The following WASF2 variants were observed in gnomAD, a reference collection of about 807,000 sequenced individuals.
The protein encoded by WASF2 is WASP family member 2, also known as actin-binding protein WASF2.
In WASF2, 14 loss-of-function variants were observed where a neutral mutation model predicts 45.0. The observed-to-expected ratio is 0.31, with a 90% CI of 0.21 to 0.49. The LOEUF (loss-of-function observed/expected upper bound fraction) is 0.49, where lower values mean the gene tolerates loss of function less well. Among genes scored for constraint, WASF2 ranks in the 20% least tolerant of loss-of-function variants. The probability of loss-of-function intolerance (pLI) is 0.99; values close to 1 mark genes in which losing one functional copy is unlikely to be tolerated. For missense variants in WASF2, 439 were observed against 636.1 expected, an observed-to-expected ratio of 0.69 and a Z score of 3.33; for synonymous variants, 200 against 236.3, an observed-to-expected ratio of 0.85 and a Z score of 1.41.
chr1:27,468,921 C>CAAA (rs71010356), intron 1 of WASF2, among the ~76,000 whole-genome samples: 3 of 77,778 alleles, frequency 3.9e-5, no homozygotes, highest in Admixed American at 1.7e-4. Context: ...GACTCTGTCT[C>CAAA]AAAAAAAAAA....
chr1:27,453,956 T>C (rs1032292396), intron 1 of WASF2, among the ~76,000 whole-genome samples: 2 of 151,910 alleles, frequency 1.3e-5, no homozygotes, highest in Non-Finnish European at 2.9e-5. Flanking sequence ...AGCCATCTCC[T>C]TTCCTTATCC....
At chr1:27,466,956 G>C (rs927719384) in intron 1 of WASF2, among the ~76,000 whole-genome samples, 1 of 151,774 alleles carries the variant, frequency 6.6e-6, no homozygotes. Flanking sequence ...GGCTCACACT[G>C]GTAATCCTAG....
intron 1 of WASF2, among the ~76,000 whole-genome samples, chr1:27,464,009 G>A (rs1571155690): frequency 6.6e-6 from 1 of 151,522 alleles, no homozygotes; most frequent in African/African-American, 2.4e-5. Context: ...GACCTCAGGT[G>A]ATCCGCCCAC....
At chr1:27,485,459 T>A (rs1184175283) in intron 1 of WASF2, among the ~76,000 whole-genome samples, 1 of 151,954 alleles carries the variant, frequency 6.6e-6, no homozygotes, top group African/African-American at 2.4e-5. Flanking sequence ...GAAATAAAAT[T>A]TTTAAAATTA....
chr1:27,476,749 G>A (rs1427287245), intron 1 of WASF2, among the ~76,000 whole-genome samples: 1 of 152,148 alleles, frequency 6.6e-6, no homozygotes, highest in African/African-American at 2.4e-5. Flanking sequence ...AGGCTGAAAT[G>A]TACCACAATT....
At chr1:27,430,051 G>T (rs1198771696) in intron 1 of WASF2, among the ~76,000 whole-genome samples, 2 of 152,158 alleles carry the variant, frequency 1.3e-5, no homozygotes, top group Admixed American at 1.3e-4. Flanking sequence ...TCCAGTTACT[G>T]TTTCTTATCC....
rs540484745 is a variant in WASF2 at position 27,443,982 on chromosome 1, T to A, written c.-43-15049A>T. On this transcript the variant is annotated intron_variant, in intron 1 of 8. Coordinates refer to ENST00000618852, the MANE Select transcript of WASF2 (RefSeq NM_006990.5). ...TTTTAGTAGATATGGCGTTTCATCA[T>A]GTTGGCCAGGCTGGTCTCGAACTCC... is the stretch of plus-strand genomic sequence containing the variant. Among the ~76,000 whole-genome samples the A allele has an allele frequency of 3.9e-5, 6 of 152,204 alleles. No individual in the cohort carries two copies. In the East Asian group the frequency reaches 1.2e-3, roughly 29 times the overall value.
intron 1 of WASF2, among the ~76,000 whole-genome samples, chr1:27,473,611 A>C (rs1451704554): frequency 3.9e-5 from 6 of 152,136 alleles, no homozygotes; most frequent in Non-Finnish European, 1.5e-5. Context: ...TTTTAAGCAA[A>C]ACAATGTATA....
intron 1 of WASF2, among the ~76,000 whole-genome samples, chr1:27,480,755 C>T (rs1264705634): frequency 1.3e-5 from 2 of 152,290 alleles, no homozygotes; most frequent in Admixed American, 1.3e-4. Flanking sequence ...TGGCTCACGC[C>T]TGTAATCCCA....
At position 27,409,268 on chromosome 1, in the gene WASF2, C is replaced by CA. The variant is rs1174321617; in HGVS notation, c.1339+423dup. ...TAAAACTCCATCTCTACTAAAAATACAAAAAAATTAGCCGGGCGTGGTGGC... is the reference window on the plus strand; with the variant it reads ...TAAAACTCCATCTCTACTAAAAATACAAAAAAAATTAGCCGGGCGTGGTGGC... On this transcript the variant is annotated intron_variant, in intron 8 of 8. Transcript: ENST00000618852. Among the ~76,000 whole-genome samples the CA allele has an allele frequency of 4.0e-5, 6 of 151,112 alleles. No individual in the cohort carries two copies. The South Asian group carries it at 1.0e-3, about 26-fold the overall frequency.
intron 6 of WASF2, among the ~76,000 whole-genome samples, chr1:27,413,718 A>T (rs2016793955): frequency 6.6e-6 from 1 of 152,208 alleles, no homozygotes. Context: ...AAGAAGACAC[A>T]CATGGGTAGC....
intron 8 of WASF2, among the ~76,000 whole-genome samples, chr1:27,409,150 C>T (rs534922859): frequency 1.2e-4 from 18 of 152,086 alleles, no homozygotes; most frequent in Admixed American, 5.2e-4. Context: ...TTTGGCCGGG[C>T]GCGGTGGCTC....
intron 1 of WASF2, among the ~76,000 whole-genome samples, chr1:27,474,879 G>C (rs1223163846): frequency 6.6e-6 from 1 of 152,182 alleles, no homozygotes; most frequent in Non-Finnish European, 1.5e-5. Flanking sequence ...TTGAGCCACA[G>C]AGGTTAAGGC....
At chr1:27,411,383 C>T (rs1459232978) in intron 7 of WASF2, among the ~76,000 whole-genome samples, 6 of 152,276 alleles carry the variant, frequency 3.9e-5, no homozygotes, top group East Asian at 3.9e-4. Context: ...TCAAAATGGA[C>T]GAATTTGGAG....
intron 1 of WASF2, among the ~76,000 whole-genome samples, chr1:27,460,914 GGATTAC>G (rs1557615055): frequency 3.3e-5 from 5 of 152,124 alleles, no homozygotes; most frequent in Non-Finnish European, 7.4e-5. Context: ...CGAGGTGGGT[GGATTAC>G]GAGGTCAGGA....
intron 1 of WASF2, among the ~76,000 whole-genome samples, chr1:27,440,292 G>A (rs2017192052): frequency 6.6e-6 from 1 of 152,232 alleles, no homozygotes; most frequent in South Asian, 2.1e-4. Context: ...GGGAGGCCAA[G>A]GAGAGTGGAT....
intron 1 of WASF2, among the ~76,000 whole-genome samples, chr1:27,434,088 A>G (rs1189280957): frequency 6.6e-6 from 1 of 152,242 alleles, no homozygotes; most frequent in East Asian, 1.9e-4. Flanking sequence ...ACTGCTGAGA[A>G]TATAAAAGTT....
At chr1:27,487,645 TATATATTATATA>T (rs1311973661) in intron 1 of WASF2, among the ~76,000 whole-genome samples, 2 of 76,152 alleles carry the variant, frequency 2.6e-5, no homozygotes, top group South Asian at 4.4e-4. Flanking sequence ...TAATATATAT[TATATATTATATA>T]ATATATATTA....
chr1:27,432,464 T>C (rs1488487634), intron 1 of WASF2, among the ~76,000 whole-genome samples: 2 of 151,374 alleles, frequency 1.3e-5, no homozygotes, highest in Non-Finnish European at 2.9e-5. Flanking sequence ...CTGGCTAACA[T>C]GGTGAAACGC....
Sources: gnomAD v4.1 joint callset for allele counts (sites outside exome capture counted in the v4.1 genomes callset) on GRCh38, gnomAD v4.1.1 for gene constraint, MANE v1.5 for transcripts, NCBI Gene and HGNC (gene_info 2026-07-23, HGNC 2026-07-21) for gene names.